Variants in NOTCH2 observed in about 807,000 individuals in gnomAD.
The protein encoded by NOTCH2 is notch receptor 2, also known as neurogenic locus notch homolog protein 2.
NOTCH2 carries 29 observed loss-of-function variants against 235.8 expected under a neutral mutation model. The ratio of observed to expected loss-of-function variants is 0.12; its 90% CI spans 0.09 to 0.17. The LOEUF (loss-of-function observed/expected upper bound fraction) is 0.17, where lower values mean the gene tolerates loss of function less well. NOTCH2 is among the 10% of genes least tolerant of loss of function. NOTCH2 has a pLI of 1.00. For synonymous variants in NOTCH2, 1,086 were observed against 1,141.5 expected (o/e 0.95, Z 0.98); for missense variants, 2,285 against 3,150.2 (o/e 0.73, Z 6.57).
At position 119,920,225 on chromosome 1, in the gene NOTCH2, T is replaced by C. The variant is rs587670459; in HGVS notation, c.5479+4A>G. 1.2e-6 allele frequency: 2 copies of C among 1,613,924 alleles called. No homozygotes were observed. Among genetic ancestry groups the C allele is most frequent in the African/African-American group, 1.3e-5 (1 of 75,048 alleles). ...GTGAAGAGGGGAAGAGGCCCGGTGC[T>C]GACCTGGGCCACGGACATTCACATC... On this transcript the variant is annotated splice_donor_region_variant and intron_variant, in intron 30 of 33. Transcript: ENST00000256646.
At chr1:119,931,652 T>C (rs1649664991) in intron 22 of NOTCH2, among the ~76,000 whole-genome samples, 1 of 152,050 alleles carries the variant, frequency 6.6e-6, no homozygotes. Flanking sequence ...AAAGGTGCCA[T>C]CTCAAATCAT....
At chr1:119,922,469 A>G (rs926669050) in intron 27 of NOTCH2, 23 bp from the exon 28 acceptor site, 11 of 1,603,532 alleles carry the variant, frequency 6.9e-6, no homozygotes, top group Admixed American at 3.4e-5. Flanking sequence ...AGAGACAGGG[A>G]AAGTGCTGAA....
Position 119,998,477 on chromosome 1 carries a change from G to A in NOTCH2, c.416-1145C>T, listed in dbSNP as rs587766355. ...TCCGTGGACTTTCTCAAGTAGGAAA[G>A]TACCAGCACTAGCAGGAAGACTCTG... On this transcript the variant is annotated intron_variant, in intron 3 of 33. Coordinates refer to ENST00000256646, the MANE Select transcript of NOTCH2 (RefSeq NM_024408.4). Among the ~76,000 whole-genome samples, 9 of 152,312 alleles carry A rather than the reference G, an allele frequency of 5.9e-5. No homozygotes were observed. The East Asian group carries it at 9.6e-4, about 16-fold the overall frequency.
At chr1:119,938,039 T>C (rs1233739186) in intron 19 of NOTCH2, 29 bp from the exon 20 acceptor site, 1 of 1,609,680 alleles carries the variant, frequency 6.2e-7, no homozygotes, top group Non-Finnish European at 8.5e-7. Context: ...TGTACATACA[T>C]CAAAATTCAA....
At chr1:120,060,654 G>A (rs1233596625) in intron 1 of NOTCH2, among the ~76,000 whole-genome samples, 1 of 150,942 alleles carries the variant, frequency 6.6e-6, no homozygotes, top group East Asian at 1.9e-4. Context: ...TCTTGTAAAG[G>A]TGCCAGAGAA....
In NOTCH2 at chr1:119,926,617, A is replaced by C. The variant is rs1319880363; in HGVS notation, c.3893-6T>G. ...GAAGGTTTCACAGTGCCGGCCTCAG[A>C]AAATAAAAAATAAAAAAGGTTTTAA... On this transcript the variant is annotated splice_region_variant and splice_polypyrimidine_tract_variant and intron_variant, in intron 23 of 33. Transcript: ENST00000256646. 2.5e-6 allele frequency: 4 copies of C among 1,582,422 alleles called. No individual in the cohort carries two copies. The African/African-American group carries it at 5.4e-5, about 21-fold the overall frequency.
intron 3 of NOTCH2, among the ~76,000 whole-genome samples, chr1:120,000,400 G>A (rs1310287403): frequency 1.3e-5 from 2 of 151,106 alleles, no homozygotes; most frequent in East Asian, 3.9e-4. Context: ...CGGGCATGGC[G>A]GTAGGTGCCT....
intron 23 of NOTCH2, among the ~76,000 whole-genome samples, chr1:119,927,013 A>G (rs1406851365): frequency 6.6e-6 from 1 of 152,262 alleles, no homozygotes; most frequent in Non-Finnish European, 1.5e-5. Flanking sequence ...AGGAGAGGCT[A>G]CACCAGGCCA....
chr1:119,999,707 T>A (rs1772485), intron 3 of NOTCH2, among the ~76,000 whole-genome samples: 2 of 151,954 alleles, frequency 1.3e-5, no homozygotes, highest in African/African-American at 4.8e-5. Flanking sequence ...CATGGTGAAA[T>A]GCCATCTTTT....
intron 12 of NOTCH2, among the ~76,000 whole-genome samples, chr1:119,957,540 C>A (rs1650751408): frequency 6.6e-6 from 1 of 152,098 alleles, no homozygotes; most frequent in South Asian, 2.1e-4. Flanking sequence ...AAACTCCTCA[C>A]ATTTACCACT....
At chr1:120,051,273 A>ACG (rs1553214386) in intron 1 of NOTCH2, among the ~76,000 whole-genome samples, 14 of 102,454 alleles carry the variant, frequency 1.4e-4, no homozygotes, top group Admixed American at 1.2e-3. Flanking sequence ...ACACACACAC[A>ACG]CGCACACACA....
At chr1:120,011,534 A>G (rs1553206934) in intron 2 of NOTCH2, among the ~76,000 whole-genome samples, 1 of 152,152 alleles carries the variant, frequency 6.6e-6, no homozygotes, top group Non-Finnish European at 1.5e-5. Flanking sequence ...AATCAGAATG[A>G]CCAAAATTTT....
chr1:120,069,261 C>G (rs1655654765), intron 1 of NOTCH2, 73 bp downstream of exon 1: 1 of 1,526,392 alleles, frequency 6.6e-7, no homozygotes, highest in African/African-American at 1.4e-5. Context: ...CAGAGAAGGA[C>G]CGAGGGGGAG....
At position 120,029,969 on chromosome 1, in the gene NOTCH2, C is replaced by T. The variant is rs1654028127; in HGVS notation, c.92G>A (p.Gly31Asp). Reference sequence around the variant, plus strand: ...TCCTTCATTTACACAGGGTTCATAGCCATCTCGACACTGCAATGCTAAAAA... The same window carrying T: ...TCCTTCATTTACACAGGGTTCATAGTCATCTCGACACTGCAATGCTAAAAA... Reference protein sequence around the residue: ...APAHALQCRDGYEPCVNEGMC... With the variant: ...APAHALQCRDDYEPCVNEGMC... The change falls in exon 2 of 34, where the codon GGC becomes GAC. Residue 31 changes from glycine (G) to aspartate (D), a missense_variant. Physicochemically the swap from Gly to Asp is moderately conservative, Grantham distance 94. Coordinates refer to ENST00000256646, the MANE Select transcript of NOTCH2 (RefSeq NM_024408.4). The T allele has an allele frequency of 1.5e-6, 1 of 661,024 alleles. No homozygotes were observed. Among genetic ancestry groups the T allele is most frequent in the Non-Finnish European group, 2.7e-6 (1 of 370,746 alleles). The allele number at this position is 661,024 out of a possible 1,614,324, so 40.9% of individuals were successfully genotyped here.
chr1:120,068,984 G>A (rs1553217679), intron 1 of NOTCH2: 1 of 1,146,138 alleles, frequency 8.7e-7, no homozygotes, highest in Non-Finnish European at 1.2e-6. Flanking sequence ...GCTCTCGCTC[G>A]ACCCCAAGAA....
In NOTCH2 at chr1:119,963,158, A is replaced by C. The variant is rs188881185; in HGVS notation, c.1915+416T>G. On this transcript the variant is annotated intron_variant, in intron 11 of 33. Coordinates refer to ENST00000256646, the MANE Select transcript of NOTCH2 (RefSeq NM_024408.4). ...AGAGAAAATACATTAAAGGAAGGGAAGAAGGGAAGAAGGAAGGTAGGTAGG... is the reference window on the plus strand; with the variant it reads ...AGAGAAAATACATTAAAGGAAGGGACGAAGGGAAGAAGGAAGGTAGGTAGG... Among the ~76,000 whole-genome samples, 4 of 114,754 alleles carry C rather than the reference A, an allele frequency of 3.5e-5. No individual in the cohort carries two copies. The East Asian group carries it at 9.8e-4, about 28-fold the overall frequency. 75.3% of individuals were successfully genotyped at this position (114,754 alleles called of 152,430 possible). A position where few individuals can be genotyped will look rare whatever the true frequency, so the allele number is the denominator to read the frequency against.
chr1:119,945,029 T>C (rs189362949), intron 17 of NOTCH2, among the ~76,000 whole-genome samples: 2 of 152,200 alleles, frequency 1.3e-5, no homozygotes, highest in African/African-American at 2.4e-5. Context: ...TTTAATTACA[T>C]ATTTGATGGG....
chr1:119,970,029 C>T (rs760382079), intron 5 of NOTCH2, among the ~76,000 whole-genome samples: 2 of 152,012 alleles, frequency 1.3e-5, no homozygotes, highest in Non-Finnish European at 2.9e-5. Context: ...GTAGGACCCT[C>T]GAGTTAACTA....
chr1:119,929,218 G>A lies in NOTCH2; in HGVS notation c.3656-6C>T, dbSNP rs782395804. The A allele has an allele frequency of 6.2e-7, 1 of 1,607,592 alleles. No homozygotes were observed. Among genetic ancestry groups the A allele is most frequent in the African/African-American group, 1.3e-5 (1 of 74,934 alleles). On this transcript the variant is annotated splice_polypyrimidine_tract_variant and splice_region_variant and intron_variant, in intron 22 of 33. Transcript: ENST00000256646. The stretch of plus-strand genomic sequence containing the variant: ...GTTCTCTTCACAGAGTAGGCCTGGA[G>A]GAAAGAGAAGAGGTACAGAATTATG...
Sources: gnomAD v4.1 joint callset for allele counts (sites outside exome capture counted in the v4.1 genomes callset) on GRCh38, gnomAD v4.1.1 for gene constraint, MANE v1.5 for transcripts, NCBI Gene and HGNC (gene_info 2026-07-23, HGNC 2026-07-21) for gene names.